CSMD1: variants seen among roughly 807,000 people sequenced by gnomAD.
CSMD1 encodes the protein CUB and Sushi multiple domains 1.
Under a neutral mutation model 417.5 loss-of-function variants are expected in CSMD1, and 213 were observed. The ratio of observed to expected loss-of-function variants is 0.51; its 90% CI spans 0.46 to 0.57. The LOEUF (loss-of-function observed/expected upper bound fraction) is 0.57. Ranked by LOEUF, CSMD1 falls within the 20% of genes least tolerant of loss-of-function variation. The pLI is 0.00. For synonymous variants in CSMD1, 2,862 were observed against 1,736.8 expected (o/e 1.65, Z -16.11); for missense variants, 6,923 against 4,529.7 (o/e 1.53, Z -15.17).
intron 2 of CSMD1, among the ~76,000 whole-genome samples, chr8:4,575,447 G>A (rs557538367): frequency 7.9e-5 from 12 of 152,250 alleles, no homozygotes; most frequent in South Asian, 4.1e-4. Context: ...TGTAACATCC[G>A]GCAGGTCATT....
Position 3,181,191 on chromosome 8 carries a change from T to A in CSMD1, c.5644A>T (p.Asn1882Tyr), listed in dbSNP as rs1821300113. 1 of 1,613,628 alleles carries A rather than the reference T, an allele frequency of 6.2e-7. No homozygotes were observed. The highest frequency in any genetic ancestry group is 8.5e-7 in the Non-Finnish European group (1 of 1,179,714). ...AGGTAGAGTTGGTTGGAAGTACTGT[T>A]CAGCAGTGCCGGTACTGTGGTGCCT... is the stretch of plus-strand genomic sequence containing the variant. ...FSGTTVPALLNSTSNQLYLHF... is the reference protein window; with the variant it reads ...FSGTTVPALLYSTSNQLYLHF... The change falls in exon 37 of 70, where the codon AAC becomes TAC. Residue 1882 changes from asparagine to tyrosine, a missense_variant. Coordinates refer to ENST00000635120, the MANE Select transcript of CSMD1 (RefSeq NM_033225.6).
chr8:3,317,834 A>C (rs1805877413), intron 23 of CSMD1, among the ~76,000 whole-genome samples: 1 of 152,212 alleles, frequency 6.6e-6, no homozygotes, highest in African/African-American at 2.4e-5. Flanking sequence ...TTTTTGAGAC[A>C]AGGTCTTGCT....
At chr8:4,640,140 T>C (rs1803104412) in intron 1 of CSMD1, among the ~76,000 whole-genome samples, 1 of 152,244 alleles carries the variant, frequency 6.6e-6, no homozygotes, top group South Asian at 2.1e-4. Flanking sequence ...CCTCAAGGAA[T>C]AACATTTAGG....
At chr8:4,888,040 C>A (rs1050607591) in intron 1 of CSMD1, among the ~76,000 whole-genome samples, 1 of 151,892 alleles carries the variant, frequency 6.6e-6, no homozygotes, top group Non-Finnish European at 1.5e-5. Flanking sequence ...CCCATATATG[C>A]CACTTCTAGG....
Position 3,214,487 on chromosome 8 carries a change from G to T in CSMD1, c.4867+10C>A. On this transcript the variant is annotated intron_variant, in intron 30 of 69. Coordinates refer to ENST00000635120, the MANE Select transcript of CSMD1 (RefSeq NM_033225.6). Reference sequence around the variant, plus strand: ...TTGTATTTCTAGAAAATACCCAAGCGTGCACTCACCATTGCAGGAGGGCAG... The same window carrying T: ...TTGTATTTCTAGAAAATACCCAAGCTTGCACTCACCATTGCAGGAGGGCAG... 1.9e-6 allele frequency: 3 copies of T among 1,571,436 alleles called. No individual in the cohort carries two copies. Among genetic ancestry groups the T allele is most frequent in the African/African-American group, 1.4e-5 (1 of 73,848 alleles).
intron 5 of CSMD1, among the ~76,000 whole-genome samples, chr8:3,966,880 G>T (rs997337248): frequency 2.6e-5 from 4 of 152,204 alleles, no homozygotes; most frequent in South Asian, 2.1e-4. Context: ...CACACTGGAT[G>T]TATCAGATTT....
chr8:4,327,685 T>G (rs899985737), intron 3 of CSMD1, among the ~76,000 whole-genome samples: 1 of 152,206 alleles, frequency 6.6e-6, no homozygotes, highest in Non-Finnish European at 1.5e-5. Context: ...AGAATGTATT[T>G]TGTTTACACA....
chr8:4,626,596 G>C (rs932752174), intron 2 of CSMD1, among the ~76,000 whole-genome samples: 2 of 152,126 alleles, frequency 1.3e-5, no homozygotes, highest in African/African-American at 2.4e-5. Context: ...AGGAAATCCA[G>C]TCAGGGTCAG....
intron 3 of CSMD1, among the ~76,000 whole-genome samples, chr8:4,156,313 G>A (rs778204776): frequency 2.0e-5 from 3 of 152,060 alleles, no homozygotes; most frequent in African/African-American, 4.8e-5. Context: ...TTCAATGAAG[G>A]CTCTGAACGG....
Position 4,236,039 on chromosome 8 carries a change from G to GTTTTTTTTTTTTTTTTTT in CSMD1, c.415+183896_415+183913dup, listed in dbSNP as rs869245155. Among the ~76,000 whole-genome samples the GTTTTTTTTTTTTTTTTTT allele has an allele frequency of 1.8e-3, 58 of 31,628 alleles. 3 individuals are homozygous for GTTTTTTTTTTTTTTTTTT. Among genetic ancestry groups the GTTTTTTTTTTTTTTTTTT allele is most frequent in the African/African-American group, 3.7e-3 (54 of 14,494 alleles). The allele number at this position is 31,628 out of a possible 152,430, so 20.7% of individuals were successfully genotyped here. A position where few individuals can be genotyped will look rare whatever the true frequency, so the allele number is the denominator to read the frequency against. ...TTAATGGATATTGTTTTTTTTGTTT[G>GTTTTTTTTTTTTTTTTTT]TTTTTTTTTTTTTTTTTTTTTTTTT... is the stretch of plus-strand genomic sequence containing the variant. On this transcript the variant is annotated intron_variant, in intron 3 of 69. Coordinates refer to ENST00000635120, the MANE Select transcript of CSMD1 (RefSeq NM_033225.6).
chr8:3,661,002 A>G (rs1342414793), intron 7 of CSMD1, among the ~76,000 whole-genome samples: 1 of 152,214 alleles, frequency 6.6e-6, no homozygotes, highest in Non-Finnish European at 1.5e-5. Flanking sequence ...GCCAGCACCC[A>G]GCGTCAACTG....
intron 1 of CSMD1, among the ~76,000 whole-genome samples, chr8:4,930,504 C>G (rs1310814850): frequency 1.3e-5 from 2 of 152,140 alleles, no homozygotes; most frequent in African/African-American, 4.8e-5. Flanking sequence ...TTGTTCAAAA[C>G]TACAGCCGAG....
chr8:4,014,483 T>C (rs868487632), intron 4 of CSMD1, among the ~76,000 whole-genome samples: 4 of 152,108 alleles, frequency 2.6e-5, no homozygotes, highest in South Asian at 2.1e-4. Context: ...AGACATTGAG[T>C]TGGCTTCTTT....
chr8:3,144,632 A>G, intron 40 of CSMD1, among the ~76,000 whole-genome samples: 1 of 152,102 alleles, frequency 6.6e-6, no homozygotes, highest in Admixed American at 6.5e-5. Context: ...CAACTCTTTA[A>G]ATTTACAACA....
intron 2 of CSMD1, among the ~76,000 whole-genome samples, chr8:4,597,927 C>T (rs924941109): frequency 6.6e-6 from 1 of 151,826 alleles, no homozygotes; most frequent in Admixed American, 6.6e-5. Context: ...ATTATGGCTG[C>T]TCTTATAATA....
chr8:4,219,044 G>T (rs994317959), intron 3 of CSMD1, among the ~76,000 whole-genome samples: 4 of 151,982 alleles, frequency 2.6e-5, no homozygotes, highest in Admixed American at 1.3e-4. Flanking sequence ...CACTAAAATG[G>T]TCATACGTTA....
At chr8:3,739,482 T>C (rs562079902) in intron 6 of CSMD1, among the ~76,000 whole-genome samples, 5 of 152,194 alleles carry the variant, frequency 3.3e-5, no homozygotes, top group Admixed American at 6.5e-5. Context: ...TCACTACACA[T>C]ATTATGTTTC....
chr8:4,737,301 C>A (rs143200482), intron 1 of CSMD1, among the ~76,000 whole-genome samples: 9 of 151,818 alleles, frequency 5.9e-5, no homozygotes, highest in African/African-American at 1.9e-4. Context: ...CACATGGAGA[C>A]ATGGGGAGGA....
intron 1 of CSMD1, among the ~76,000 whole-genome samples, chr8:4,882,333 G>A (rs539769372): frequency 5.9e-4 from 90 of 151,818 alleles, no homozygotes; most frequent in African/African-American, 2.1e-3. Context: ...CTCCTGACAT[G>A]TCGCCTGCTT....
Sources: allele counts gnomAD v4.1 joint callset (sites outside exome capture counted in the v4.1 genomes callset), GRCh38; gene constraint gnomAD v4.1.1; transcripts MANE v1.5; gene names NCBI Gene and HGNC (gene_info 2026-07-23, HGNC 2026-07-21).